PANK3: variants seen among roughly 807,000 people sequenced by gnomAD.
PANK3 encodes hPanK3.
Under a neutral mutation model 39.4 loss-of-function variants are expected in PANK3, and 20 were observed. The observed-to-expected ratio is 0.51, with a 90% CI of 0.36 to 0.74. PANK3 has a LOEUF of 0.74. Ranked by LOEUF, PANK3 falls within the 30% of genes least tolerant of loss-of-function variation. PANK3 has a pLI of 0.00. For missense variants in PANK3, 265 were observed against 437.0 expected, an observed-to-expected ratio of 0.61 and a Z score of 3.51; for synonymous variants, 140 against 157.3, an observed-to-expected ratio of 0.89 and a Z score of 0.82.
intron 3 of PANK3, 75 bp downstream of exon 3, chr5:168,565,938 C>T: frequency 7.8e-7 from 1 of 1,286,634 alleles, no homozygotes; most frequent in Non-Finnish European, 1.0e-6. Flanking sequence ...GTGAAAATGA[C>T]ATTATTATAC....
rs146710345 is a variant in PANK3, at chr5:168,565,079, T to C, written c.635+934A>G. The stretch of plus-strand genomic sequence containing the variant: ...TTTTAGAGTTAACCGAAGAAGGCAA[T>C]AGCAGTGTACAATTCTTTGGCATAG... On this transcript the variant is annotated intron_variant, in intron 3 of 6. Transcript: ENST00000239231. 2.3e-3 allele frequency among the ~76,000 whole-genome samples: 352 copies of C among 152,340 alleles called. 3 individuals carry two copies. The highest frequency in any genetic ancestry group is 8.0e-3 in the African/African-American group (332 of 41,572).
chr5:168,573,380 C>G (rs1387853986), intron 1 of PANK3, among the ~76,000 whole-genome samples: 1 of 57,298 alleles, frequency 1.7e-5, no homozygotes, highest in Non-Finnish European at 3.1e-5. Context: ...AAAATAATCA[C>G]TATTAAAAAG....
rs922032861 is a variant in PANK3, at chr5:168,556,211, T to C, written c.*1360A>G. The C allele has an allele frequency of 7.9e-5, 12 of 152,164 alleles. No homozygotes were observed. The highest frequency in any genetic ancestry group is 4.6e-4 in the Admixed American group (7 of 15,278). 9.4% of individuals were successfully genotyped at this position (152,164 alleles called of 1,614,324 possible). A position where few individuals can be genotyped will look rare whatever the true frequency, so the allele number is the denominator to read the frequency against. On this transcript the variant is annotated 3_prime_UTR_variant, in exon 7 of 7. Coordinates refer to ENST00000239231, the MANE Select transcript of PANK3 (RefSeq NM_024594.4). ...ATGGTGGCCTCTTGGGGTCCCTTGA[T>C]GGGGGCTGTTGGGAAGTGGAAGGCA...
intron 6 of PANK3, among the ~76,000 whole-genome samples, chr5:168,558,609 T>C (rs2113105738): frequency 6.6e-6 from 1 of 152,306 alleles, no homozygotes; most frequent in African/African-American, 2.4e-5. Flanking sequence ...AGATCAGAAC[T>C]TAACTGCATG....
At chr5:168,564,338 C>T (rs1759490239) in intron 3 of PANK3, among the ~76,000 whole-genome samples, 1 of 152,112 alleles carries the variant, frequency 6.6e-6, no homozygotes. Context: ...TCACCTAATA[C>T]CTTACACTCT....
chr5:168,561,024 G>A (rs905447833), intron 5 of PANK3: 3 of 432,470 alleles, frequency 6.9e-6, no homozygotes, highest in African/African-American at 4.1e-5. Flanking sequence ...AGCACTGGTG[G>A]TATAGTGGTG....
At chr5:168,559,420 T>C (rs568362997) in intron 5 of PANK3, among the ~76,000 whole-genome samples, 37 of 152,266 alleles carry the variant, frequency 2.4e-4, no homozygotes, top group African/African-American at 8.7e-4. Context: ...GATGATGATG[T>C]GTGCACAGGG....
chr5:168,559,877 T>C (rs532654614), intron 5 of PANK3, among the ~76,000 whole-genome samples: 84 of 152,274 alleles, frequency 5.5e-4, no homozygotes, highest in African/African-American at 1.9e-3. Context: ...TCTAGCATTC[T>C]TTCTCCGTCC....
At chr5:168,575,872 C>G (rs1209768529) in intron 1 of PANK3, among the ~76,000 whole-genome samples, 2 of 151,974 alleles carry the variant, frequency 1.3e-5, no homozygotes, top group Non-Finnish European at 2.9e-5. Context: ...TAAAGGGAAA[C>G]CAACATGAAA....
chr5:168,578,426 A>G (rs1759768280), intron 1 of PANK3, among the ~76,000 whole-genome samples: 1 of 152,216 alleles, frequency 6.6e-6, no homozygotes, highest in Admixed American at 6.5e-5. Flanking sequence ...CTCTAAGATG[A>G]GCATGAATCC....
rs550646286 is a variant in PANK3, at chr5:168,558,415, T to C, written c.1062+617A>G. 2.8e-3 allele frequency among the ~76,000 whole-genome samples: 420 copies of C among 152,110 alleles called. 2 individuals are homozygous for C. Among genetic ancestry groups the C allele is most frequent in the Non-Finnish European group, 2.2e-3 (150 of 67,984 alleles). On this transcript the variant is annotated intron_variant, in intron 6 of 6. Transcript: ENST00000239231. Reference sequence around the variant, plus strand: ...TCCTGACCTCGTGATCCGTCCGCCTTGGCCTCCCAAAGTGCTGGGATTACA... The same window carrying C: ...TCCTGACCTCGTGATCCGTCCGCCTCGGCCTCCCAAAGTGCTGGGATTACA...
chr5:168,569,277 C>T (rs1452416046), intron 1 of PANK3, among the ~76,000 whole-genome samples: 2 of 149,286 alleles, frequency 1.3e-5, no homozygotes, highest in African/African-American at 4.9e-5. Context: ...CTCCGCCTCC[C>T]GGGTTCACGC....
At position 168,555,913 on chromosome 5, in the gene PANK3, T is replaced by C. The variant is rs754833000; in HGVS notation, c.*1658A>G. Reference sequence around the variant, plus strand: ...TTCCATTGATACTGATAAAGTTGCCTAAGACACAACTTCCTACATAGAGGA... The same window carrying C: ...TTCCATTGATACTGATAAAGTTGCCCAAGACACAACTTCCTACATAGAGGA... On this transcript the variant is annotated 3_prime_UTR_variant, in exon 7 of 7. Coordinates refer to ENST00000239231, the MANE Select transcript of PANK3 (RefSeq NM_024594.4). 5 of 152,254 alleles carry C rather than the reference T, an allele frequency of 3.3e-5. No individual in the cohort carries two copies. Among genetic ancestry groups the C allele is most frequent in the Non-Finnish European group, 7.3e-5 (5 of 68,054 alleles). 9.4% of individuals were successfully genotyped at this position (152,254 alleles called of 1,614,324 possible).
intron 1 of PANK3, 24 bp downstream of exon 1, chr5:168,579,232 G>A: frequency 6.7e-7 from 1 of 1,486,072 alleles, no homozygotes; most frequent in African/African-American, 1.5e-5. Context: ...CTCCCAACCT[G>A]GCGGGCCCCA....
At chr5:168,575,436 T>C (rs1759716074) in intron 1 of PANK3, among the ~76,000 whole-genome samples, 1 of 142,078 alleles carries the variant, frequency 7.0e-6, no homozygotes, top group African/African-American at 2.8e-5. Flanking sequence ...TCCTACTAAG[T>C]GTTTGCTAAG....
chr5:168,572,236 C>T (rs960181960), intron 1 of PANK3, among the ~76,000 whole-genome samples: 4 of 151,318 alleles, frequency 2.6e-5, no homozygotes, highest in African/African-American at 7.3e-5. Flanking sequence ...GCCTCAGCCT[C>T]CCAAGTAGCT....
intron 3 of PANK3, among the ~76,000 whole-genome samples, chr5:168,564,858 T>C (rs1362049308): frequency 6.6e-6 from 1 of 152,218 alleles, no homozygotes; most frequent in African/African-American, 2.4e-5. Context: ...ATAAATACAA[T>C]GAGTAAATTT....
At position 168,564,065 on chromosome 5, in the gene PANK3, G is replaced by T; in HGVS notation, c.636C>A (p.Ser212Arg). The T allele has an allele frequency of 6.3e-7, 1 of 1,582,434 alleles. No individual in the cohort carries two copies. The highest frequency in any genetic ancestry group is 8.5e-7 in the Non-Finnish European group (1 of 1,169,986). ...KDNYKRVTGTSLGGGTFLGLC... is the reference protein window; with the variant it reads ...KDNYKRVTGTRLGGGTFLGLC... ...AACCCAGAAAGGTACCCCCTCCAAG[G>T]CTAAAGAAAATAAAGAAACTTGCTA... The change falls in exon 4 of 7, where the codon AGC becomes AGA. Residue 212 changes from serine to arginine, a missense_variant and splice_region_variant. Physicochemically the swap from Ser to Arg is moderately radical, Grantham distance 110. This residue lies in a region of PANK3 where 154 missense variants were observed against 256.8 expected (regional missense o/e 0.60). Coordinates refer to ENST00000239231, the MANE Select transcript of PANK3 (RefSeq NM_024594.4).
At chr5:168,573,411 C>G (rs1759677916) in intron 1 of PANK3, among the ~76,000 whole-genome samples, 1 of 10,322 alleles carries the variant, frequency 9.7e-5, no homozygotes, top group Non-Finnish European at 1.7e-4. Flanking sequence ...AGAACCTCAG[C>G]AAGGCAAAAA....
Sources: allele counts gnomAD v4.1 joint callset (sites outside exome capture counted in the v4.1 genomes callset), GRCh38; gene constraint gnomAD v4.1.1; regional missense constraint gnomAD v4.1.1; transcripts MANE v1.5; gene names NCBI Gene and HGNC (gene_info 2026-07-23, HGNC 2026-07-21).